Variants in CCDC171 observed in about 807,000 individuals in gnomAD.
CCDC171 encodes coiled-coil domain-containing protein 171.
In CCDC171, 177 loss-of-function variants were observed where a neutral mutation model predicts 168.2. The ratio of observed to expected loss-of-function variants is 1.05; its 90% CI spans 0.93 to 1.19. CCDC171 has a LOEUF of 1.19. Ranked by LOEUF, CCDC171 falls within the 50% of genes most tolerant of loss-of-function variation. CCDC171 has a pLI of 0.00. For synonymous variants in CCDC171, 687 were observed against 540.8 expected (o/e 1.27, Z -3.75); for missense variants, 1,991 against 1,539.0 (o/e 1.29, Z -4.91).
the CCDC171 span, among the ~76,000 whole-genome samples, chr9:16,105,790 C>T: frequency 5.3e-5 from 8 of 152,168 alleles, no homozygotes; most frequent in Non-Finnish European, 1.0e-4. Context: ...TGGCCAGAGT[C>T]CTGTTTATGT....
intron 24 of CCDC171, among the ~76,000 whole-genome samples, chr9:15,878,923 G>A (rs1818229951): frequency 6.6e-6 from 1 of 152,078 alleles, no homozygotes; most frequent in Non-Finnish European, 1.5e-5. Flanking sequence ...GCTAAATGAT[G>A]AGAACACATG....
intron 24 of CCDC171, among the ~76,000 whole-genome samples, chr9:15,878,018 A>G (rs926031535): frequency 1.3e-5 from 2 of 152,188 alleles, no homozygotes; most frequent in African/African-American, 2.4e-5. Flanking sequence ...TCCTTAAACT[A>G]TAAAAACCCT....
intron 24 of CCDC171, among the ~76,000 whole-genome samples, chr9:15,878,116 A>C (rs1366322153): frequency 6.6e-6 from 1 of 152,142 alleles, no homozygotes; most frequent in Non-Finnish European, 1.5e-5. Flanking sequence ...CAACAAAGAC[A>C]ACAAATGACA....
intron 21 of CCDC171, among the ~76,000 whole-genome samples, chr9:15,836,095 A>G (rs989678849): frequency 1.3e-5 from 2 of 152,186 alleles, no homozygotes; most frequent in African/African-American, 4.8e-5. Context: ...CTAGACACTG[A>G]TTTTCTAAAG....
At chr9:15,778,184 C>T (rs901124755) in intron 19 of CCDC171, among the ~76,000 whole-genome samples, 1 of 151,404 alleles carries the variant, frequency 6.6e-6, no homozygotes, top group African/African-American at 2.4e-5. Context: ...GTAGTCCCAG[C>T]TACTCGGGAG....
intron 10 of CCDC171, among the ~76,000 whole-genome samples, chr9:15,683,252 G>T (rs1308424202): frequency 1.3e-5 from 2 of 151,878 alleles, no homozygotes; most frequent in African/African-American, 4.8e-5. Flanking sequence ...CAATACTTTT[G>T]GGGGTTTAAC....
At chr9:15,811,129 G>A (rs2059338349) in intron 21 of CCDC171, among the ~76,000 whole-genome samples, 1 of 152,240 alleles carries the variant, frequency 6.6e-6, no homozygotes, top group African/African-American at 2.4e-5. Flanking sequence ...GTTGGGCTTG[G>A]AAAGAGAAAC....
rs563159707 is a variant in CCDC171, at chr9:15,816,075, G to T, written c.3268-30627G>T. ...TAATAATGTAAAACATTCACGTTTTGTGTTTATTATGATGTCCTATTATGA... is the reference window on the plus strand; with the variant it reads ...TAATAATGTAAAACATTCACGTTTTTTGTTTATTATGATGTCCTATTATGA... On this transcript the variant is annotated intron_variant, in intron 21 of 25. Transcript: ENST00000380701. Among the ~76,000 whole-genome samples, 45 of 117,482 alleles carry T rather than the reference G, an allele frequency of 3.8e-4. 12 individuals carry two copies. The highest frequency in any genetic ancestry group is 3.2e-3 in the Admixed American group (40 of 12,468). The allele number at this position is 117,482 out of a possible 152,430, so 77.1% of individuals were successfully genotyped here.
intron 23 of CCDC171, among the ~76,000 whole-genome samples, chr9:15,865,325 A>G (rs1323118471): frequency 4.0e-5 from 6 of 149,380 alleles, no homozygotes; most frequent in African/African-American, 1.5e-4. Context: ...GGAAACAAAT[A>G]TACATACATA....
chr9:15,976,070 G>A (rs1831611138), downstream of CCDC171, among the ~76,000 whole-genome samples: 1 of 152,092 alleles, frequency 6.6e-6, no homozygotes, highest in African/African-American at 2.4e-5. Flanking sequence ...GGCTTTCAGG[G>A]CGGTGCTAGA....
At chr9:15,699,225 C>T (rs1411761660) in intron 11 of CCDC171, among the ~76,000 whole-genome samples, 1 of 151,910 alleles carries the variant, frequency 6.6e-6, no homozygotes, top group Non-Finnish European at 1.5e-5. Flanking sequence ...GTGAGTGTTA[C>T]AGGTCTTAAG....
At chr9:15,822,298 G>T (rs200998423) in intron 21 of CCDC171, among the ~76,000 whole-genome samples, 2 of 151,828 alleles carry the variant, frequency 1.3e-5, no homozygotes, top group Non-Finnish European at 2.9e-5. Context: ...CTAAAACACC[G>T]AAGGCAATGG....
chr9:16,058,861 T>A (rs1833884709), intron 1 of CCDC171, among the ~76,000 whole-genome samples: 1 of 152,204 alleles, frequency 6.6e-6, no homozygotes, highest in South Asian at 2.1e-4. Flanking sequence ...GGGAAAACAA[T>A]CCCAGCGTAA....
intron 21 of CCDC171, among the ~76,000 whole-genome samples, chr9:15,841,637 A>G (rs952335353): frequency 6.6e-6 from 1 of 152,024 alleles, no homozygotes; most frequent in Non-Finnish European, 1.5e-5. Flanking sequence ...AATTCCTCAT[A>G]TAAAATATAA....
rs569780475 is a variant in CCDC171 at position 15,908,168 on chromosome 9, G to C, written c.3601-12102G>C. 7.2e-5 allele frequency among the ~76,000 whole-genome samples: 11 copies of C among 151,986 alleles called. No homozygotes were observed. The South Asian group carries it at 1.9e-3, about 26-fold the overall frequency. ...TCCCATTACTGGGTATATACCCAAA[G>C]GACTATAAATCATGCTGCTATAAAG... On this transcript the variant is annotated intron_variant, in intron 24 of 25. Coordinates refer to ENST00000380701, the MANE Select transcript of CCDC171 (RefSeq NM_173550.4).
At chr9:16,007,118 G>A (rs1313108355) in intron 3 of CCDC171, among the ~76,000 whole-genome samples, 2 of 152,166 alleles carry the variant, frequency 1.3e-5, no homozygotes, top group South Asian at 4.1e-4. Context: ...TTTAATGATC[G>A]CCTTTCTAAC....
intron 2 of CCDC171, among the ~76,000 whole-genome samples, chr9:15,567,048 G>A (rs1196882153): frequency 2.1e-5 from 3 of 144,116 alleles, no homozygotes; most frequent in Admixed American, 1.4e-4. Context: ...TTTTTTTGAG[G>A]CAGAGTCTCA....
At chr9:15,741,680 G>A (rs2054889698) in intron 16 of CCDC171, among the ~76,000 whole-genome samples, 1 of 151,794 alleles carries the variant, frequency 6.6e-6, no homozygotes, top group East Asian at 1.9e-4. Context: ...TGGATCTTTT[G>A]CTATTTCTAG....
At chr9:16,085,871 C>G in the CCDC171 span, among the ~76,000 whole-genome samples, 2 of 152,158 alleles carry the variant, frequency 1.3e-5, no homozygotes, top group African/African-American at 4.8e-5. Flanking sequence ...GAATGTGGTA[C>G]TCTTTATTCT....
Sources: allele counts gnomAD v4.1 joint callset (sites outside exome capture counted in the v4.1 genomes callset), GRCh38; gene constraint gnomAD v4.1.1; transcripts MANE v1.5; gene names NCBI Gene and HGNC (gene_info 2026-07-23, HGNC 2026-07-21).